Variants in NOX5 observed in about 807,000 individuals in gnomAD.
NOX5 encodes the protein NADPH oxidase, EF-hand calcium binding domain 5.
In NOX5, 76 loss-of-function variants were observed where a neutral mutation model predicts 85.7. That is an observed-to-expected ratio of 0.89 (90% CI 0.74 to 1.07). The LOEUF (loss-of-function observed/expected upper bound fraction) is 1.07. Ranked by LOEUF, NOX5 falls within the 50% of genes least tolerant of loss-of-function variation. The probability of loss-of-function intolerance (pLI) is 0.00; values close to 1 mark genes in which losing one functional copy is unlikely to be tolerated. For missense variants in NOX5, 973 were observed against 999.5 expected (o/e 0.97, Z 0.36); for synonymous variants, 405 against 401.4 (o/e 1.01, Z -0.11).
intron 1 of NOX5, among the ~76,000 whole-genome samples, chr15:69,016,382 C>T (rs550631647): frequency 6.6e-6 from 1 of 152,324 alleles, no homozygotes; most frequent in East Asian, 1.9e-4. Context: ...GAGCACCCTC[C>T]TTGCTGCCTG....
intron 2 of NOX5, among the ~76,000 whole-genome samples, chr15:69,027,957 G>A (rs1333445236): frequency 6.6e-6 from 1 of 152,134 alleles, no homozygotes; most frequent in Non-Finnish European, 1.5e-5. Context: ...GGGACAGAGA[G>A]CCCATGCAAA....
rs2050860273 is a variant in NOX5, at chr15:69,060,282, G to T, written c.*3586G>T. 6.6e-6 allele frequency: 1 copy of T among 152,382 alleles called. No individual in the cohort carries two copies. Among genetic ancestry groups the T allele is most frequent in the Admixed American group, 6.5e-5 (1 of 15,286 alleles). 9.4% of individuals were successfully genotyped at this position (152,382 alleles called of 1,614,324 possible). On this transcript the variant is annotated 3_prime_UTR_variant, in exon 16 of 16. Transcript: ENST00000388866. ...GAGAGTCACCAGGCTGGCAGACAAGGTTGAAGGTAGGGAGGGATGAGGAAC... is the reference window on the plus strand; with the variant it reads ...GAGAGTCACCAGGCTGGCAGACAAGTTTGAAGGTAGGGAGGGATGAGGAAC...
chr15:69,023,510 AC>A, intron 1 of NOX5: 1 of 340,206 alleles, frequency 2.9e-6, no homozygotes, highest in Non-Finnish European at 5.6e-6. Context: ...CTTCTTGACC[AC>A]CAGCTGGTGT....
chr15:69,040,924 G>A (rs975996902), intron 9 of NOX5, among the ~76,000 whole-genome samples: 4 of 152,094 alleles, frequency 2.6e-5, no homozygotes, highest in African/African-American at 4.8e-5. Flanking sequence ...CTGACCTCAG[G>A]TGATCCACCC....
chr15:69,029,164 T>A (rs1163393312), intron 3 of NOX5: 1 of 152,174 alleles, frequency 6.6e-6, no homozygotes, highest in Admixed American at 6.5e-5. Context: ...CCTCCCCTAG[T>A]CCCTGGCAAC....
rs1000889166 is a variant in NOX5, at chr15:69,057,998, A to C, written c.*1302A>C. ...GGACAGGGTGGGCCTCACCTCCTCC[A>C]TCTGAGCTGGACATTTCCATCTGTG... On this transcript the variant is annotated 3_prime_UTR_variant, in exon 16 of 16. Transcript: ENST00000388866. 6.6e-6 allele frequency: 1 copy of C among 152,280 alleles called. No homozygotes were observed. Among genetic ancestry groups the C allele is most frequent in the Non-Finnish European group, 1.5e-5 (1 of 68,216 alleles). 9.4% of individuals were successfully genotyped at this position (152,280 alleles called of 1,614,324 possible). A position where few individuals can be genotyped will look rare whatever the true frequency, so the allele number is the denominator to read the frequency against.
At chr15:69,019,569 G>A (rs569467629) in intron 1 of NOX5, among the ~76,000 whole-genome samples, 63 of 152,294 alleles carry the variant, frequency 4.1e-4, no homozygotes, top group African/African-American at 1.3e-3. Context: ...ATACTGAGGC[G>A]TAAAGCAATA....
At chr15:69,048,549 AAAT>A (rs35695685) in intron 13 of NOX5, among the ~76,000 whole-genome samples, 9,401 of 151,734 alleles carry the variant, frequency 0.062, 477 homozygotes, top group East Asian at 0.22. Flanking sequence ...GAAATAATAA[AAAT>A]AATAATAATA....
At chr15:69,045,608 TC>T (rs1196937670) in intron 10 of NOX5, among the ~76,000 whole-genome samples, 1 of 148,614 alleles carries the variant, frequency 6.7e-6, no homozygotes, top group Non-Finnish European at 1.5e-5. Context: ...CTTTTTTTTT[TC>T]TCTCTCTCTC....
chr15:69,061,314 T>G lies in NOX5; in HGVS notation c.*4618T>G, dbSNP rs1259278672. 1 of 152,246 alleles carries G rather than the reference T, an allele frequency of 6.6e-6. No homozygotes were observed. Among genetic ancestry groups the G allele is most frequent in the African/African-American group, 2.4e-5 (1 of 41,474 alleles). The allele number at this position is 152,246 out of a possible 1,614,324, so 9.4% of individuals were successfully genotyped here. A position where few individuals can be genotyped will look rare whatever the true frequency, so the allele number is the denominator to read the frequency against. On this transcript the variant is annotated 3_prime_UTR_variant, in exon 16 of 16. Coordinates refer to ENST00000388866, the MANE Select transcript of NOX5 (RefSeq NM_024505.4). ...GCTCCTATAGTGCCCATTATCAATA[T>G]GCTGCTGGCCCTGAATGGCCTAAGT...
chr15:69,028,048 T>G (rs556114903), intron 2 of NOX5, among the ~76,000 whole-genome samples, 167 bp from the exon 3 acceptor site: 1 of 152,180 alleles, frequency 6.6e-6, no homozygotes, highest in South Asian at 2.1e-4. Flanking sequence ...AGGTCTTCCA[T>G]TAGAGCAGAT....
intron 1 of NOX5, 112 bp from the exon 2 acceptor site, chr15:69,026,416 C>T (rs1245048684): frequency 7.4e-7 from 1 of 1,357,890 alleles, no homozygotes; most frequent in African/African-American, 1.4e-5. Flanking sequence ...CGATTCAACT[C>T]AGGGAGGCTC....
Position 69,056,758 on chromosome 15 carries a change from A to G in NOX5, c.*62A>G, listed in dbSNP as rs2050817856. Reference sequence around the variant, plus strand: ...TGGGTCTGCTTCATTGCATTAGTATAAATGCCCCCACAGGGACCAGCCTCA... The same window carrying G: ...TGGGTCTGCTTCATTGCATTAGTATGAATGCCCCCACAGGGACCAGCCTCA... On this transcript the variant is annotated 3_prime_UTR_variant, in exon 16 of 16. Transcript: ENST00000388866. 1.9e-6 allele frequency: 3 copies of G among 1,582,640 alleles called. No individual in the cohort carries two copies. The highest frequency in any genetic ancestry group is 8.6e-7 in the Non-Finnish European group (1 of 1,164,216).
intron 1 of NOX5, among the ~76,000 whole-genome samples, chr15:69,019,482 A>G (rs1451461078): frequency 6.6e-6 from 1 of 152,256 alleles, no homozygotes; most frequent in African/African-American, 2.4e-5. Context: ...ATGTGAATCC[A>G]TAATTATCTC....
chr15:69,046,896 A>G, intron 11 of NOX5, 30 bp downstream of exon 11: 1 of 1,611,638 alleles, frequency 6.2e-7, no homozygotes, highest in Non-Finnish European at 8.5e-7. Flanking sequence ...GACGTGAGCA[A>G]TAATGCCTGC....
Position 69,031,815 on chromosome 15 carries a change from A to G in NOX5, c.620+3A>G. The G allele has an allele frequency of 1.9e-6, 3 of 1,592,562 alleles. No homozygotes were observed. The highest frequency in any genetic ancestry group is 2.7e-5 in the African/African-American group (2 of 74,648). ...GTCATGGAGAACCTGACCATCAGGT[A>G]CGGCCGGGTCTCGGGCATTGGCACT... On this transcript the variant is annotated splice_donor_region_variant and intron_variant, in intron 4 of 15. Coordinates refer to ENST00000388866, the MANE Select transcript of NOX5 (RefSeq NM_024505.4).
In NOX5 at chr15:69,047,267, G is replaced by T. The variant is rs2050685640; in HGVS notation, c.1693-146G>T. 6 of 997,450 alleles carry T rather than the reference G, an allele frequency of 6.0e-6. No homozygotes were observed. The Admixed American group carries it at 1.8e-4, about 30-fold the overall frequency. 61.8% of individuals were successfully genotyped at this position (997,450 alleles called of 1,614,324 possible). ...CACAGGATGTGGAAAGAGCACTGGA[G>T]TGGGAGCCACTTAGACCTGGCTTCC... is the stretch of plus-strand genomic sequence containing the variant. On this transcript the variant is annotated intron_variant, in intron 11 of 15. Transcript: ENST00000388866.
rs1433682516 is a variant in NOX5, at chr15:69,035,445, T to A, written c.947T>A (p.Leu316His). ...PLDQNIQFHQ[L>H]MGYVVVGLSL... is the part of the protein sequence containing the mutation. ...GACCAGAACATCCAGTTCCACCAGC[T>A]TATGGGCTACGTGGTAGTGGGGCTG... Residue 316 changes from leucine (L) to histidine (H), a missense_variant, in exon 6 of 16, where the codon CTT (leucine) becomes CAT (histidine). By Grantham distance (99) the Leu-to-His change is moderately conservative (BLOSUM62 -3). Coordinates refer to ENST00000388866, the MANE Select transcript of NOX5 (RefSeq NM_024505.4). 1 of 1,614,168 alleles carries A rather than the reference T, an allele frequency of 6.2e-7. No individual in the cohort carries two copies. The highest frequency in any genetic ancestry group is 2.2e-5 in the East Asian group (1 of 44,878).
intron 10 of NOX5, among the ~76,000 whole-genome samples, chr15:69,045,580 T>C (rs1387689564): frequency 1.5e-5 from 2 of 137,622 alleles, no homozygotes; most frequent in Non-Finnish European, 1.6e-5. Flanking sequence ...TCCCTTTCTT[T>C]CTTTTCTTTC....
Sources: allele counts gnomAD v4.1 joint callset (sites outside exome capture counted in the v4.1 genomes callset), GRCh38; gene constraint gnomAD v4.1.1; transcripts MANE v1.5; gene names NCBI Gene and HGNC (gene_info 2026-07-23, HGNC 2026-07-21).